BPTF: variants seen among roughly 807,000 people sequenced by gnomAD.
BPTF encodes the protein bromodomain PHD finger transcription factor, also known as nucleosome-remodeling factor subunit BPTF.
A neutral mutation model predicts 292.5 loss-of-function variants in BPTF; 18 were observed. That is an observed-to-expected ratio of 0.06 (90% confidence interval 0.04 to 0.09). The LOEUF (loss-of-function observed/expected upper bound fraction) is 0.09, where lower values mean the gene tolerates loss of function less well. Ranked by LOEUF, BPTF falls within the 10% of genes least tolerant of loss-of-function variation. The pLI, the probability that BPTF is intolerant of heterozygous loss-of-function variation, is 1.00. For synonymous variants in BPTF, 1,225 were observed against 1,251.9 expected (o/e 0.98, Z 0.45); for missense variants, 2,726 against 3,498.7 (o/e 0.78, Z 5.57).
intron 5 of BPTF, 72 bp downstream of exon 5, chr17:67,892,106 G>C (rs1177855996): frequency 3.3e-6 from 4 of 1,194,264 alleles, no homozygotes; most frequent in Admixed American, 6.1e-5. Flanking sequence ...CTTAAAAATA[G>C]GGGCTGGAAA....
chr17:67,919,150 C>T (rs1038443782), intron 12 of BPTF, among the ~76,000 whole-genome samples: 31 of 148,874 alleles, frequency 2.1e-4, no homozygotes, highest in East Asian at 2.0e-4. Flanking sequence ...CCAGCCAGTG[C>T]GACAGAGTGA....
chr17:67,842,591 C>T (rs1166837428), intron 1 of BPTF, among the ~76,000 whole-genome samples: 1 of 152,072 alleles, frequency 6.6e-6, no homozygotes, highest in Non-Finnish European at 1.5e-5. Context: ...AGGTTCAAAG[C>T]AAAATTTAGA....
At position 67,825,813 on chromosome 17, in the gene BPTF, C is replaced by G; in HGVS notation, c.89C>G (p.Pro30Arg). ...CCGGCCCCGCCGCCACCGCCGCCGC[C>G]GCCCACGTCCGGACCCATCGGGGGG... Reference protein sequence around the residue: ...CAPAPPPPPPPPTSGPIGGLR... With the variant: ...CAPAPPPPPPRPTSGPIGGLR... Residue 30 changes from proline to arginine, a missense_variant, in exon 1 of 28, where the codon CCG (proline) becomes CGG (arginine). Physicochemically the swap from Pro to Arg is moderately radical, Grantham distance 103. Around this residue, in one of 22 missense-constraint regions of BPTF, gnomAD observed 31 missense variants for 53.6 expected, o/e 0.58. Transcript: ENST00000306378. The G allele has an allele frequency of 9.8e-7, 1 of 1,024,930 alleles. No homozygotes were observed. Among genetic ancestry groups the G allele is most frequent in the Non-Finnish European group, 1.2e-6 (1 of 857,850 alleles). 63.5% of individuals were successfully genotyped at this position (1,024,930 alleles called of 1,614,324 possible). A position where few individuals can be genotyped will look rare whatever the true frequency, so the allele number is the denominator to read the frequency against.
In BPTF at chr17:67,945,969, C is replaced by T; in HGVS notation, c.7261C>T (p.Pro2421Ser). The T allele has an allele frequency of 6.2e-7, 1 of 1,614,212 alleles. No homozygotes were observed. The highest frequency in any genetic ancestry group is 8.5e-7 in the Non-Finnish European group (1 of 1,180,040). Residue 2421 changes from proline (P) to serine (S), a missense_variant, in exon 21 of 28, where the codon CCT becomes TCT. Physicochemically the swap from Pro to Ser is moderately conservative, Grantham distance 74 (BLOSUM62 -1). This residue lies in a region of BPTF where 570 missense variants were observed against 633.5 expected (regional missense o/e 0.90). Coordinates refer to ENST00000306378, the MANE Select transcript of BPTF (RefSeq NM_182641.4). ...AGTTACTGTTTCATCCCCATCCCGT[C>T]CTCAGCTACAAATACAGCAGCCACA... ...NQVTVSSPSR[P>S]QLQIQQPQPQ...
chr17:67,929,535 C>T (rs1258977949), intron 17 of BPTF, 48 bp downstream of exon 17: 4 of 1,565,912 alleles, frequency 2.6e-6, no homozygotes, highest in East Asian at 2.3e-5. Flanking sequence ...GAGCACATCA[C>T]ATTATTTTTA....
At chr17:67,858,785 C>A (rs1161320234) in intron 2 of BPTF, among the ~76,000 whole-genome samples, 1 of 152,124 alleles carries the variant, frequency 6.6e-6, no homozygotes, top group Admixed American at 6.6e-5. Context: ...TCCAATTCTC[C>A]CATTCCTGTG....
At chr17:67,926,199 G>A (rs1387367798) in intron 15 of BPTF, among the ~76,000 whole-genome samples, 1 of 150,540 alleles carries the variant, frequency 6.6e-6, no homozygotes, top group Non-Finnish European at 1.5e-5. Context: ...GTAGAGATAG[G>A]ACTTTTGCCA....
At chr17:67,888,798 C>A (rs1376602034) in intron 4 of BPTF, among the ~76,000 whole-genome samples, 2 of 152,056 alleles carry the variant, frequency 1.3e-5, no homozygotes. Flanking sequence ...GAAGATTCCC[C>A]TTCTGGAGGC....
At chr17:67,924,170 G>T (rs1490069795) in intron 14 of BPTF, among the ~76,000 whole-genome samples, 1 of 152,076 alleles carries the variant, frequency 6.6e-6, no homozygotes, top group Non-Finnish European at 1.5e-5. Context: ...TAGTAGAGAT[G>T]GGTCGAACTC....
At chr17:67,952,743 T>A (rs868984068) in intron 23 of BPTF, among the ~76,000 whole-genome samples, 1 of 152,320 alleles carries the variant, frequency 6.6e-6, no homozygotes, top group Middle Eastern at 3.4e-3. Flanking sequence ...TAAGGTTCAC[T>A]CCTCGTGATC....
At position 67,894,098 on chromosome 17, in the gene BPTF, A is replaced by G. The variant is rs1163972773; in HGVS notation, c.2476A>G (p.Ile826Val). 6.2e-7 allele frequency: 1 copy of G among 1,614,166 alleles called. No homozygotes were observed. Among genetic ancestry groups the G allele is most frequent in the Non-Finnish European group, 8.5e-7 (1 of 1,179,992 alleles). The change falls in exon 7 of 28, where the codon ATT becomes GTT. Residue 826 changes from isoleucine (I) to valine (V), a missense_variant. This residue lies in a region of BPTF where 99 missense variants were observed against 227.1 expected (regional missense o/e 0.44). Coordinates refer to ENST00000306378, the MANE Select transcript of BPTF (RefSeq NM_182641.4). ...CAGAGAATTTGCATTGGCTTTAGCC[A>G]TTTTGGAGTGTGCAGTTAAACCAGT... ...KPREFALALAILECAVKPVVM... is the reference protein window; with the variant it reads ...KPREFALALAVLECAVKPVVM...
intron 13 of BPTF, 83 bp downstream of exon 13, chr17:67,920,226 C>A: frequency 6.9e-7 from 1 of 1,449,930 alleles, no homozygotes; most frequent in Non-Finnish European, 9.4e-7. Flanking sequence ...ATTTTTTCTT[C>A]TCTGTTCACC....
At chr17:67,916,140 C>T (rs2062969245) in intron 11 of BPTF, among the ~76,000 whole-genome samples, 1 of 152,224 alleles carries the variant, frequency 6.6e-6, no homozygotes, top group South Asian at 2.1e-4. Flanking sequence ...CCTCTGATTT[C>T]CCCTTGACCT....
At chr17:67,931,329 C>G (rs59480488) in intron 17 of BPTF, among the ~76,000 whole-genome samples, 3 of 151,814 alleles carry the variant, frequency 2.0e-5, no homozygotes, top group South Asian at 4.2e-4. Context: ...AATGATTAGC[C>G]GGACATGGTG....
chr17:67,978,541 C>T (rs2069863419), intron 27 of BPTF, among the ~76,000 whole-genome samples: 1 of 151,932 alleles, frequency 6.6e-6, no homozygotes, highest in Admixed American at 6.6e-5. Context: ...TCGTGATCCG[C>T]CTGCCTCAGC....
rs1156995394 is a variant in BPTF, at chr17:67,983,074, T to A, written c.*786T>A. On this transcript the variant is annotated 3_prime_UTR_variant, in exon 28 of 28. Transcript: ENST00000306378. ...TCTTGTTTGTAAACATTTGTCAGAT[T>A]CTAATTTTTTTCTTTTGTATTAAAA... is the stretch of plus-strand genomic sequence containing the variant. 2.0e-5 allele frequency: 3 copies of A among 152,422 alleles called. No homozygotes were observed. Among genetic ancestry groups the A allele is most frequent in the African/African-American group, 7.2e-5 (3 of 41,464 alleles). 9.4% of individuals were successfully genotyped at this position (152,422 alleles called of 1,614,324 possible).
intron 20 of BPTF, 59 bp from the exon 21 acceptor site, chr17:67,945,349 TC>T: frequency 6.5e-7 from 1 of 1,546,766 alleles, no homozygotes; most frequent in Non-Finnish European, 8.7e-7. Flanking sequence ...TTCAGATTCT[TC>T]TTTAACCACA....
chr17:67,948,689 T>G (rs1181634148), intron 23 of BPTF, among the ~76,000 whole-genome samples: 1 of 152,122 alleles, frequency 6.6e-6, no homozygotes, highest in Non-Finnish European at 1.5e-5. Context: ...ATGAGTCCAT[T>G]AAATAAGACA....
chr17:67,911,446 G>T lies in BPTF; in HGVS notation c.3562G>T (p.Asp1188Tyr), dbSNP rs1298767543. 6.2e-7 allele frequency: 1 copy of T among 1,614,070 alleles called. No individual in the cohort carries two copies. The highest frequency in any genetic ancestry group is 1.1e-5 in the South Asian group (1 of 91,050). Residue 1188 changes from aspartate to tyrosine, a missense_variant, in exon 11 of 28, where the codon GAC becomes TAC. Asp to Tyr is a radical substitution (Grantham distance 160, BLOSUM62 -3). This residue lies in a region of BPTF where 713 missense variants were observed against 714.9 expected (regional missense o/e 1.00). Transcript: ENST00000306378. ...TCCGAAACAAAATTCCATTGAAAATGACATAGAAGAAAAAGTCTCTGACCT... is the reference window on the plus strand; with the variant it reads ...TCCGAAACAAAATTCCATTGAAAATTACATAGAAGAAAAAGTCTCTGACCT... Reference protein sequence around the residue: ...KCPKQNSIENDIEEKVSDLAS... With the variant: ...KCPKQNSIENYIEEKVSDLAS...
Sources: gnomAD v4.1 joint callset for allele counts (sites outside exome capture counted in the v4.1 genomes callset) on GRCh38, gnomAD v4.1.1 for gene constraint, gnomAD v4.1.1 regional missense constraint, MANE v1.5 for transcripts, NCBI Gene and HGNC (gene_info 2026-07-23, HGNC 2026-07-21) for gene names.